The following TRPM3 variants were observed in gnomAD, a reference collection of about 807,000 sequenced individuals.
TRPM3 encodes the protein long transient receptor potential channel 3.
A neutral mutation model predicts 181.2 loss-of-function variants in TRPM3; 77 were observed. The observed-to-expected ratio is 0.42, with a 90% CI of 0.35 to 0.51. The LOEUF (loss-of-function observed/expected upper bound fraction) is 0.51, where lower values mean the gene tolerates loss of function less well. TRPM3 is among the 20% of genes least tolerant of loss of function. The probability of loss-of-function intolerance (pLI) is 0.01; values close to 1 mark genes in which losing one functional copy is unlikely to be tolerated. For synonymous variants in TRPM3, 745 were observed against 796.4 expected, an observed-to-expected ratio of 0.94 and a Z score of 1.09; for missense variants, 1,759 against 2,196.7, an observed-to-expected ratio of 0.80 and a Z score of 3.98.
chr9:70,554,219 G>C (rs1164202909), intron 22 of TRPM3, among the ~76,000 whole-genome samples: 1 of 152,192 alleles, frequency 6.6e-6, no homozygotes, highest in Non-Finnish European at 1.5e-5. Flanking sequence ...GTGCTGCACA[G>C]ACAATGTGGC....
At chr9:71,234,615 G>A (rs1292692002) in intron 1 of TRPM3, among the ~76,000 whole-genome samples, 1 of 152,094 alleles carries the variant, frequency 6.6e-6, no homozygotes, top group East Asian at 1.9e-4. Flanking sequence ...TCTTTCCTCT[G>A]TGTTTCTGTA....
intron 1 of TRPM3, among the ~76,000 whole-genome samples, chr9:71,333,989 C>T (rs555594414): frequency 1.3e-5 from 2 of 151,706 alleles, no homozygotes; most frequent in Non-Finnish European, 2.9e-5. Context: ...CATTGGTATG[C>T]TAATAAGGGA....
At chr9:70,561,697 C>T (rs2049132629) in intron 22 of TRPM3, among the ~76,000 whole-genome samples, 1 of 152,156 alleles carries the variant, frequency 6.6e-6, no homozygotes, top group African/African-American at 2.4e-5. Context: ...GGCGCAAAGG[C>T]AGCCACTGGA....
At chr9:70,687,504 A>G (rs2067278453) in intron 8 of TRPM3, among the ~76,000 whole-genome samples, 1 of 152,206 alleles carries the variant, frequency 6.6e-6, no homozygotes, top group African/African-American at 2.4e-5. Context: ...GAATACAGTG[A>G]GATTCTTCTT....
At chr9:71,147,076 T>A (rs933983753) in intron 1 of TRPM3, among the ~76,000 whole-genome samples, 21 of 152,152 alleles carry the variant, frequency 1.4e-4, no homozygotes, top group Non-Finnish European at 2.9e-4. Context: ...TGGATCTAAC[T>A]TGTCCAAAAG....
intron 24 of TRPM3, among the ~76,000 whole-genome samples, 184 bp from the exon 25 acceptor site, chr9:70,549,858 A>G (rs1015781720): frequency 5.9e-5 from 9 of 152,168 alleles, no homozygotes; most frequent in Admixed American, 2.6e-4. Flanking sequence ...CTTTCTGAAC[A>G]TGAAATTTAT....
chr9:71,048,387 G>A (rs914089894), intron 1 of TRPM3, among the ~76,000 whole-genome samples: 23 of 152,290 alleles, frequency 1.5e-4, no homozygotes, highest in African/African-American at 5.1e-4. Flanking sequence ...TGCCCAGCAG[G>A]TAGCCTTTCA....
intron 12 of TRPM3, among the ~76,000 whole-genome samples, chr9:70,626,058 A>AT (rs2064534286): frequency 6.6e-6 from 1 of 152,016 alleles, no homozygotes; most frequent in Non-Finnish European, 1.5e-5. Flanking sequence ...GGAGATTTTC[A>AT]TTTTTTCTTT....
chr9:70,749,351 C>T (rs943603199), intron 8 of TRPM3, among the ~76,000 whole-genome samples: 14 of 152,076 alleles, frequency 9.2e-5, no homozygotes, highest in Non-Finnish European at 1.2e-4. Flanking sequence ...ATAAAGTCTG[C>T]GAGGTACATT....
At chr9:70,890,049 T>C (rs914563433) in intron 1 of TRPM3, among the ~76,000 whole-genome samples, 6 of 148,086 alleles carry the variant, frequency 4.1e-5, no homozygotes. Context: ...TATACATTAG[T>C]ATATATAATA....
intron 1 of TRPM3, among the ~76,000 whole-genome samples, chr9:71,035,107 A>G (rs1431374605): frequency 6.6e-6 from 1 of 152,166 alleles, no homozygotes; most frequent in African/African-American, 2.4e-5. Flanking sequence ...TGTTGTAGTT[A>G]ATCAGAATTA....
intron 1 of TRPM3, among the ~76,000 whole-genome samples, chr9:71,046,214 T>C (rs1285922621): frequency 6.6e-6 from 1 of 152,136 alleles, no homozygotes; most frequent in African/African-American, 2.4e-5. Context: ...CTTGAACTCC[T>C]AACCTCGTGA....
Position 70,533,127 on chromosome 9 carries a change from G to A in TRPM3, c.*2826C>T, listed in dbSNP as rs917091059. The stretch of plus-strand genomic sequence containing the variant: ...CAAGATCAGGACTGTTGAGTATTTC[G>A]TTTCCCAGTTCCTATCCTTTTCTCT... On this transcript the variant is annotated 3_prime_UTR_variant, in exon 26 of 26. Transcript: ENST00000677713. 4 of 152,132 alleles carry A rather than the reference G, an allele frequency of 2.6e-5. No individual in the cohort carries two copies. Among genetic ancestry groups the A allele is most frequent in the Non-Finnish European group, 5.9e-5 (4 of 68,030 alleles). 9.4% of individuals were successfully genotyped at this position (152,132 alleles called of 1,614,324 possible). A position where few individuals can be genotyped will look rare whatever the true frequency, so the allele number is the denominator to read the frequency against.
chr9:70,907,507 G>C (rs532568357), intron 1 of TRPM3, among the ~76,000 whole-genome samples: 30 of 152,248 alleles, frequency 2.0e-4, no homozygotes, highest in African/African-American at 7.2e-4. Context: ...GGCATCAATT[G>C]CAACAGCATA....
At chr9:70,821,792 T>G (rs1027275536) in intron 6 of TRPM3, among the ~76,000 whole-genome samples, 23 of 152,206 alleles carry the variant, frequency 1.5e-4, no homozygotes, top group African/African-American at 5.3e-4. Flanking sequence ...TAAATCAGTT[T>G]CTTTCTCTTG....
intron 1 of TRPM3, among the ~76,000 whole-genome samples, chr9:71,345,636 G>A (rs1015746373): frequency 6.6e-6 from 1 of 152,034 alleles, no homozygotes; most frequent in Non-Finnish European, 1.5e-5. Flanking sequence ...AATACCTAAT[G>A]TAGATGATGG....
At chr9:71,315,041 ATAAC>A (rs563974921) in intron 1 of TRPM3, among the ~76,000 whole-genome samples, 1 of 152,118 alleles carries the variant, frequency 6.6e-6, no homozygotes, top group Non-Finnish European at 1.5e-5. Context: ...CTCCTGGGTG[ATAAC>A]TAACTAAAAT....
At chr9:70,878,776 C>T (rs939369118) in intron 1 of TRPM3, among the ~76,000 whole-genome samples, 2 of 151,978 alleles carry the variant, frequency 1.3e-5, no homozygotes, top group Non-Finnish European at 2.9e-5. Flanking sequence ...AGTGCATGGT[C>T]CAGAAGCATC....
intron 22 of TRPM3, among the ~76,000 whole-genome samples, chr9:70,558,747 G>C (rs1033739791): frequency 6.6e-6 from 1 of 152,148 alleles, no homozygotes; most frequent in Non-Finnish European, 1.5e-5. Flanking sequence ...AGATTAAGTC[G>C]TAGGGCCTCA....
Sources: gnomAD v4.1 joint callset for allele counts (sites outside exome capture counted in the v4.1 genomes callset) on GRCh38, gnomAD v4.1.1 for gene constraint, MANE v1.5 for transcripts, NCBI Gene and HGNC (gene_info 2026-07-23, HGNC 2026-07-21) for gene names.